Variants in RNF40 observed in about 807,000 individuals in gnomAD.
RNF40 encodes the protein E3 ubiquitin-protein ligase BRE1B.
In RNF40, 39 loss-of-function variants were observed where a neutral mutation model predicts 123.3. The ratio of observed to expected loss-of-function variants is 0.32; its 90% CI spans 0.24 to 0.41. The LOEUF is 0.41. Among genes scored for constraint, RNF40 ranks in the 10% least tolerant of loss-of-function variants. RNF40 has a pLI of 1.00. For missense variants in RNF40, 1,003 were observed against 1,319.9 expected (o/e 0.76, Z 3.72); for synonymous variants, 538 against 526.0 (o/e 1.02, Z -0.31).
chr16:30,771,191 G>A (rs2054142138), intron 17 of RNF40, among the ~76,000 whole-genome samples: 1 of 152,180 alleles, frequency 6.6e-6, no homozygotes, highest in African/African-American at 2.4e-5. Flanking sequence ...GCCTTGTGCA[G>A]GAATCTGAGG....
rs2054045305 is a variant in RNF40, at chr16:30,766,980, TC to T, written c.1429+105del. The T allele has an allele frequency of 1.4e-6, 2 of 1,398,694 alleles. No homozygotes were observed. The highest frequency in any genetic ancestry group is 1.9e-6 in the Non-Finnish European group (2 of 1,042,836). The allele number at this position is 1,398,694 out of a possible 1,614,324, so 86.6% of individuals were successfully genotyped here. ...ATGCAAGAGGCTAAGGCCTTTTTTT[TC>T]ACAGAGCCTCGGCTTCCTATGCAAA... On this transcript the variant is annotated intron_variant, in intron 11 of 19. Coordinates refer to ENST00000324685, the MANE Select transcript of RNF40 (RefSeq NM_014771.4). This position sits in a 1 kb window ranked among gnomAD's most constrained non-coding sequence, Gnocchi z 5.4.
rs137974994 is a variant in RNF40 at position 30,765,278 on chromosome 16, G to A, written c.869G>A (p.Arg290Gln). 32 of 1,614,106 alleles carry A rather than the reference G, an allele frequency of 2.0e-5. No individual in the cohort carries two copies. The highest frequency in any genetic ancestry group is 1.5e-4 in the African/African-American group (11 of 74,944). ...EDLQWDIEKLRKREQKLNKHL... is the reference protein window; with the variant it reads ...EDLQWDIEKLQKREQKLNKHL... ...TTGCAGTGGGACATCGAGAAGCTGC[G>A]GAAGCGAGAGCAAAAGCTCAATAAG... The change falls in exon 7 of 20, where the codon CGG (arginine) becomes CAG (glutamine). Residue 290 changes from arginine (R) to glutamine (Q), a missense_variant. Physicochemically the swap from Arg to Gln is conservative, Grantham distance 43 (BLOSUM62 1). Coordinates refer to ENST00000324685, the MANE Select transcript of RNF40 (RefSeq NM_014771.4).
At position 30,768,590 on chromosome 16, in the gene RNF40, T is replaced by C. The variant is rs1293104192; in HGVS notation, c.1980-29T>C. 4 of 1,614,058 alleles carry C rather than the reference T, an allele frequency of 2.5e-6. No individual in the cohort carries two copies. The highest frequency in any genetic ancestry group is 3.4e-6 in the Non-Finnish European group (4 of 1,179,954). ...CCAGGTGGCCTCCAGTCCCACTCAC[T>C]AAGACTTCCTCCTGTACCTTCTTGC... On this transcript the variant is annotated intron_variant, in intron 13 of 19. Transcript: ENST00000324685. This position sits in a 1 kb window ranked among gnomAD's most constrained non-coding sequence, Gnocchi z 4.1.
At chr16:30,764,454 A>T in intron 5 of RNF40, 69 bp downstream of exon 5, 1 of 1,366,404 alleles carries the variant, frequency 7.3e-7, no homozygotes, top group Non-Finnish European at 1.0e-6. Flanking sequence ...CCCCTTCCTG[A>T]TTCCCCTAAT....
In RNF40 at chr16:30,764,219, G is replaced by A. The variant is rs758786300; in HGVS notation, c.483G>A (p.Pro161=). Residue 161 remains proline, a synonymous_variant, in exon 5 of 20, where the codon CCG becomes CCA. Transcript: ENST00000324685. ...LMQLRPPLSE[P]ALAFVVALGA... is the part of the protein sequence containing the mutation. ...AGCTGCGGCCCCCTCTCAGTGAGCC[G>A]GCCTTGGCTTTTGTGGTGGCACTGG... 3.7e-5 allele frequency: 59 copies of A among 1,611,588 alleles called. No individual in the cohort carries two copies. The Admixed American group carries it at 7.2e-4, about 20-fold the overall frequency.
chr16:30,773,747 C>T (rs1444486929), intron 19 of RNF40, 191 bp from the exon 20 acceptor site: 1 of 523,844 alleles, frequency 1.9e-6, no homozygotes, highest in Non-Finnish European at 3.4e-6. Context: ...CTGCTGATTT[C>T]TAGTGTTGAG....
chr16:30,766,972 C>CT lies in RNF40; in HGVS notation c.1429+104dup, dbSNP rs1034157180. ...TTATCCAGATGCAAGAGGCTAAGGC[C>CT]TTTTTTTTCACAGAGCCTCGGCTTC... On this transcript the variant is annotated intron_variant, in intron 11 of 19. Coordinates refer to ENST00000324685, the MANE Select transcript of RNF40 (RefSeq NM_014771.4). This position sits in a 1 kb window ranked among gnomAD's most constrained non-coding sequence, Gnocchi z 5.4. 98 of 1,453,410 alleles carry CT rather than the reference C, an allele frequency of 6.7e-5. No homozygotes were observed. Among genetic ancestry groups the CT allele is most frequent in the South Asian group, 9.4e-5 (7 of 74,100 alleles). The allele number at this position is 1,453,410 out of a possible 1,614,324, so 90.0% of individuals were successfully genotyped here.
At chr16:30,770,738 GTC>G (rs1423054031) in intron 17 of RNF40, among the ~76,000 whole-genome samples, 1 of 152,072 alleles carries the variant, frequency 6.6e-6, no homozygotes, top group Non-Finnish European at 1.5e-5. Flanking sequence ...TTTAGACGGA[GTC>G]TAGCTCTGTT....
Position 30,775,114 on chromosome 16 carries a change from A to G in RNF40, c.*1000A>G. 2.2e-6 allele frequency: 1 copy of G among 446,814 alleles called. No homozygotes were observed. Among genetic ancestry groups the G allele is most frequent in the Non-Finnish European group, 4.5e-6 (1 of 222,518 alleles). The allele number at this position is 446,814 out of a possible 1,614,324, so 27.7% of individuals were successfully genotyped here. ...GTTGGAGCTGCAGGGACCCGTTTGG[A>G]CCCACAGCCTCTGTTCTAGAGATGC... On this transcript the variant is annotated 3_prime_UTR_variant, in exon 20 of 20. Transcript: ENST00000324685.
chr16:30,774,932 A>AG lies in RNF40; in HGVS notation c.*822dup, dbSNP rs1322158470. 1 of 456,384 alleles carries AG rather than the reference A, an allele frequency of 2.2e-6. No homozygotes were observed. The highest frequency in any genetic ancestry group is 6.9e-5 in the East Asian group (1 of 14,392). 28.3% of individuals were successfully genotyped at this position (456,384 alleles called of 1,614,324 possible). On this transcript the variant is annotated 3_prime_UTR_variant, in exon 20 of 20. Coordinates refer to ENST00000324685, the MANE Select transcript of RNF40 (RefSeq NM_014771.4). ...TACAGTGGAGGTGGAACTTCCCAGG[A>AG]GGGGAAGGGACAGACCAGCCCCAGC... is the stretch of plus-strand genomic sequence containing the variant.
chr16:30,762,107 T>G, upstream of RNF40: 1 of 363,172 alleles, frequency 2.8e-6, no homozygotes, highest in Non-Finnish European at 5.0e-6. Flanking sequence ...GAGCGCGGTG[T>G]CAGTTACTAT....
At position 30,775,515 on chromosome 16, in the gene RNF40, G is replaced by A. The variant is rs2054219690; in HGVS notation, c.*1401G>A. On this transcript the variant is annotated 3_prime_UTR_variant, in exon 20 of 20. Transcript: ENST00000324685. ...AGAGAGCTAGTTTCCCGGTTGCGCTGGCCAAAGGCCGGCCTGAACTGGATC... is the reference window on the plus strand; with the variant it reads ...AGAGAGCTAGTTTCCCGGTTGCGCTAGCCAAAGGCCGGCCTGAACTGGATC... 1 of 170,286 alleles carries A rather than the reference G, an allele frequency of 5.9e-6. No individual in the cohort carries two copies. Among genetic ancestry groups the A allele is most frequent in the African/African-American group, 2.4e-5 (1 of 41,844 alleles). The allele number at this position is 170,286 out of a possible 1,614,324, so 10.5% of individuals were successfully genotyped here. A position where few individuals can be genotyped will look rare whatever the true frequency, so the allele number is the denominator to read the frequency against.
intron 2 of RNF40, 132 bp downstream of exon 2, chr16:30,762,809 G>C: frequency 8.1e-7 from 1 of 1,229,300 alleles, no homozygotes; most frequent in Non-Finnish European, 1.1e-6. Flanking sequence ...TTGAAAGAAA[G>C]GTTAGAAAGA....
Position 30,771,939 on chromosome 16 carries a change from G to T in RNF40, c.2693G>T (p.Arg898Leu). Residue 898 changes from arginine to leucine, a missense_variant, in exon 18 of 20, where the codon CGT (arginine) becomes CTT (leucine). Transcript: ENST00000324685. ...QPCLAESRAA[R>L]EKESFNLKRA... ...TGCCTGGCAGAGAGCCGGGCTGCTC[G>T]TGAGAAAGAGAGCTTCAACCTCAAG... The T allele has an allele frequency of 6.2e-7, 1 of 1,601,538 alleles. No homozygotes were observed. Among genetic ancestry groups the T allele is most frequent in the Non-Finnish European group, 8.5e-7 (1 of 1,172,148 alleles).
intron 2 of RNF40, 26 bp downstream of exon 2, chr16:30,762,703 CAG>C: frequency 6.2e-7 from 1 of 1,607,408 alleles, no homozygotes; most frequent in South Asian, 1.1e-5. Flanking sequence ...CCTTAACCCT[CAG>C]AACTTCCCAG....
rs868631507 is a variant in RNF40 at position 30,771,820 on chromosome 16, C to G, written c.2587-13C>G. 1 of 1,548,628 alleles carries G rather than the reference C, an allele frequency of 6.5e-7. No homozygotes were observed. The highest frequency in any genetic ancestry group is 8.7e-7 in the Non-Finnish European group (1 of 1,146,956). On this transcript the variant is annotated splice_polypyrimidine_tract_variant and intron_variant, in intron 17 of 19. Transcript: ENST00000324685. ...CTCAGACCAGTGCCTCCTTCCTGTTCCACCCTACTCAGGCTGTAGAAGCCG... is the reference window on the plus strand; with the variant it reads ...CTCAGACCAGTGCCTCCTTCCTGTTGCACCCTACTCAGGCTGTAGAAGCCG...
chr16:30,769,060 C>T, intron 15 of RNF40, 73 bp downstream of exon 15: 2 of 1,599,752 alleles, frequency 1.3e-6, no homozygotes, highest in Non-Finnish European at 1.7e-6. Context: ...GCCTCTAGTG[C>T]CTGCAGGACC....
Position 30,771,819 on chromosome 16 carries a change from TC to T in RNF40, c.2587-12del, listed in dbSNP as rs754783141. ...GCTCAGACCAGTGCCTCCTTCCTGT[TC>T]CACCCTACTCAGGCTGTAGAAGCCG... On this transcript the variant is annotated splice_polypyrimidine_tract_variant and intron_variant, in intron 17 of 19. Coordinates refer to ENST00000324685, the MANE Select transcript of RNF40 (RefSeq NM_014771.4). 6.5e-7 allele frequency: 1 copy of T among 1,548,364 alleles called. No homozygotes were observed. Among genetic ancestry groups the T allele is most frequent in the South Asian group, 1.2e-5 (1 of 81,026 alleles).
chr16:30,765,073 G>A lies in RNF40; in HGVS notation c.771+14G>A. On this transcript the variant is annotated intron_variant, in intron 6 of 19. Coordinates refer to ENST00000324685, the MANE Select transcript of RNF40 (RefSeq NM_014771.4). ...ATCTCATTGGAGGTGAGGAGCCGGG[G>A]GCTTTGGGGGTGTGATTAGAATCAG... The A allele has an allele frequency of 6.2e-7, 1 of 1,613,406 alleles. No individual in the cohort carries two copies. Among genetic ancestry groups the A allele is most frequent in the Non-Finnish European group, 8.5e-7 (1 of 1,179,438 alleles).
Sources: gnomAD v4.1 joint callset for allele counts (sites outside exome capture counted in the v4.1 genomes callset) on GRCh38, gnomAD v4.1.1 for gene constraint, Gnocchi (gnomAD v3.1) non-coding constraint, MANE v1.5 for transcripts, NCBI Gene and HGNC (gene_info 2026-07-23, HGNC 2026-07-21) for gene names.